Variants in SH2D1B observed in about 807,000 individuals in gnomAD.
SH2D1B encodes SH2 domain containing 1B, also known as SH2 domain-containing protein 1B.
In SH2D1B, 11 loss-of-function variants were observed where a neutral mutation model predicts 16.3. That is an observed-to-expected ratio of 0.67 (90% CI 0.42 to 1.11). The LOEUF is 1.11. Ranked by LOEUF, SH2D1B falls within the 50% of genes most tolerant of loss-of-function variation. The pLI, the probability that SH2D1B is intolerant of heterozygous loss-of-function variation, is 0.00. For missense variants in SH2D1B, 123 were observed against 153.1 expected, an observed-to-expected ratio of 0.80 and a Z score of 1.04; for synonymous variants, 55 against 56.1, an observed-to-expected ratio of 0.98 and a Z score of 0.09.
At chr1:162,400,532 C>T (rs1052979116) in intron 2 of SH2D1B, among the ~76,000 whole-genome samples, 1 of 148,124 alleles carries the variant, frequency 6.8e-6, no homozygotes, top group African/African-American at 2.5e-5. Flanking sequence ...TCTCGATCTC[C>T]TGACCTCATG....
chr1:162,404,816 T>C (rs1178355077), intron 1 of SH2D1B, among the ~76,000 whole-genome samples: 2 of 152,258 alleles, frequency 1.3e-5, no homozygotes, highest in African/African-American at 2.4e-5. Context: ...GGTAAGGATG[T>C]AGAGCAATCA....
Position 162,397,334 on chromosome 1 carries a change from A to G in SH2D1B, c.364-19T>C. The G allele has an allele frequency of 9.9e-6, 16 of 1,613,362 alleles. No individual in the cohort carries two copies. Among genetic ancestry groups the G allele is most frequent in the Non-Finnish European group, 1.3e-5 (15 of 1,179,746 alleles). ...TACTGTTCTTTGGAGGGAAAAAAAA[A>G]GCAGAAGACCAGCCATGAGACCACA... On this transcript the variant is annotated intron_variant, in intron 3 of 3. Coordinates refer to ENST00000367929, the MANE Select transcript of SH2D1B (RefSeq NM_053282.5).
chr1:162,407,055 C>T (rs1291147953), intron 1 of SH2D1B, among the ~76,000 whole-genome samples: 3 of 152,218 alleles, frequency 2.0e-5, no homozygotes, highest in Non-Finnish European at 4.4e-5. Flanking sequence ...CCATATGCTG[C>T]TAGGTCAGCT....
Position 162,398,193 on chromosome 1 carries a change from A to G in SH2D1B, c.363+730T>C, listed in dbSNP as rs899406170. 1.1e-4 allele frequency among the ~76,000 whole-genome samples: 17 copies of G among 152,286 alleles called. No homozygotes were observed. The East Asian group carries it at 3.3e-3, about 29-fold the overall frequency. ...CCTCTGTCCCTCTCCTAGGGAGGAT[A>G]TCTGATCTCATCCCATCACCTGCCA... is the stretch of plus-strand genomic sequence containing the variant. On this transcript the variant is annotated intron_variant, in intron 3 of 3. Coordinates refer to ENST00000367929, the MANE Select transcript of SH2D1B (RefSeq NM_053282.5).
chr1:162,403,746 G>A (rs1013688971), intron 1 of SH2D1B, among the ~76,000 whole-genome samples: 3 of 140,838 alleles, frequency 2.1e-5, no homozygotes, highest in East Asian at 2.1e-4. Context: ...ACACACAATG[G>A]AATATTATTC....
intron 2 of SH2D1B, among the ~76,000 whole-genome samples, chr1:162,401,547 A>G (rs1648517717): frequency 6.6e-6 from 1 of 152,296 alleles, no homozygotes; most frequent in South Asian, 2.1e-4. Flanking sequence ...TTCAAAGTTA[A>G]TTTGCAGACA....
chr1:162,402,476 C>T (rs1237474911), intron 2 of SH2D1B: 1 of 268,784 alleles, frequency 3.7e-6, no homozygotes, highest in African/African-American at 2.2e-5. Context: ...CGAGATCGCA[C>T]CACTGCACTC....
Position 162,411,845 on chromosome 1 carries a change from C to T in SH2D1B, c.134+38G>A, listed in dbSNP as rs558210001. On this transcript the variant is annotated intron_variant, in intron 1 of 3. Transcript: ENST00000367929. Reference sequence around the variant, plus strand: ...GTGTGGCAGCCATTGCCACATTCAACATACGATGTCAGATGTGTGCAAGAT... The same window carrying T: ...GTGTGGCAGCCATTGCCACATTCAATATACGATGTCAGATGTGTGCAAGAT... 4 of 1,613,242 alleles carry T rather than the reference C, an allele frequency of 2.5e-6. No individual in the cohort carries two copies. The East Asian group carries it at 8.9e-5, about 36-fold the overall frequency.
At chr1:162,397,522 C>A (rs1277894060) in intron 3 of SH2D1B, among the ~76,000 whole-genome samples, 1 of 152,178 alleles carries the variant, frequency 6.6e-6, no homozygotes, top group Non-Finnish European at 1.5e-5. Context: ...AGCCTCAGAC[C>A]TTCCAGCACA....
In SH2D1B at chr1:162,402,817, A is replaced by G; in HGVS notation, c.135-15T>C. ...TATTTTTAAACCTGTGGAAAAAATG[A>G]CTGTGTGAATCAAAATGTTCTATGC... On this transcript the variant is annotated splice_polypyrimidine_tract_variant and intron_variant, in intron 1 of 3. Coordinates refer to ENST00000367929, the MANE Select transcript of SH2D1B (RefSeq NM_053282.5). 7.5e-6 allele frequency: 12 copies of G among 1,605,426 alleles called. No individual in the cohort carries two copies. Among genetic ancestry groups the G allele is most frequent in the Non-Finnish European group, 1.0e-5 (12 of 1,172,116 alleles).
At chr1:162,405,878 C>T (rs952995030) in intron 1 of SH2D1B, among the ~76,000 whole-genome samples, 11 of 152,218 alleles carry the variant, frequency 7.2e-5, no homozygotes, top group Non-Finnish European at 1.5e-4. Context: ...TCTCTGAGTC[C>T]TTGCTCAACG....
rs116898821 is a variant in SH2D1B at position 162,399,261 on chromosome 1, A to G, written c.199-174T>C. On this transcript the variant is annotated intron_variant, in intron 2 of 3. Coordinates refer to ENST00000367929, the MANE Select transcript of SH2D1B (RefSeq NM_053282.5). ...ACAGAAACTCTCATTTCTAAGACCA[A>G]CCTCTGACTTGAGCCACTCTGAGTA... Among the ~76,000 whole-genome samples the G allele has an allele frequency of 2.8e-4, 43 of 152,200 alleles. No homozygotes were observed. The East Asian group carries it at 6.8e-3, about 24-fold the overall frequency.
In SH2D1B at chr1:162,402,731, G is replaced by A. The variant is rs748534742; in HGVS notation, c.198+8C>T. On this transcript the variant is annotated splice_region_variant and intron_variant, in intron 2 of 3. Transcript: ENST00000367929. Reference sequence around the variant, plus strand: ...TGTTGTTGTTGTTGTCGTCCTTTTTGTTCTTACCTGTATCCTGTAATACCC... The same window carrying A: ...TGTTGTTGTTGTTGTCGTCCTTTTTATTCTTACCTGTATCCTGTAATACCC... The A allele has an allele frequency of 1.2e-6, 2 of 1,610,838 alleles. No homozygotes were observed. The highest frequency in any genetic ancestry group is 4.5e-5 in the East Asian group (2 of 44,854).
At chr1:162,401,822 C>G (rs2101859271) in intron 2 of SH2D1B, among the ~76,000 whole-genome samples, 1 of 152,196 alleles carries the variant, frequency 6.6e-6, no homozygotes, top group East Asian at 1.9e-4. Context: ...ACTGAAGATT[C>G]TTAGAAATCT....
chr1:162,411,471 A>G (rs1648794777), intron 1 of SH2D1B, among the ~76,000 whole-genome samples: 1 of 152,228 alleles, frequency 6.6e-6, no homozygotes, highest in Non-Finnish European at 1.5e-5. Flanking sequence ...TAGTTTACGT[A>G]TTGCAAGCAG....
Position 162,396,493 on chromosome 1 carries a change from C to G in SH2D1B, c.*787G>C, listed in dbSNP as rs1648381068. The stretch of plus-strand genomic sequence containing the variant: ...ATGGCACTTAGAACCTAGTTGGGAA[C>G]AGAAATCACACATAGAATATTTTAG... On this transcript the variant is annotated 3_prime_UTR_variant, in exon 4 of 4. Coordinates refer to ENST00000367929, the MANE Select transcript of SH2D1B (RefSeq NM_053282.5). 6.6e-6 allele frequency: 1 copy of G among 152,224 alleles called. No individual in the cohort carries two copies. Among genetic ancestry groups the G allele is most frequent in the African/African-American group, 2.4e-5 (1 of 41,432 alleles). 9.4% of individuals were successfully genotyped at this position (152,224 alleles called of 1,614,324 possible).
At chr1:162,402,703 T>C (rs1648548917) in intron 2 of SH2D1B, 36 bp downstream of exon 2, 1 of 1,571,994 alleles carries the variant, frequency 6.4e-7, no homozygotes, top group South Asian at 1.1e-5. Context: ...CCCCCAACTT[T>C]TGTGTTGTTG....
At chr1:162,410,141 A>C (rs866424405) in intron 1 of SH2D1B, among the ~76,000 whole-genome samples, 4 of 152,180 alleles carry the variant, frequency 2.6e-5, no homozygotes, top group African/African-American at 7.2e-5. Context: ...GATTCTGATC[A>C]GATTCCTCAT....
chr1:162,402,636 T>A (rs1487744791), intron 2 of SH2D1B, 103 bp downstream of exon 2: 1 of 955,966 alleles, frequency 1.0e-6, no homozygotes, highest in Non-Finnish European at 1.6e-6. Context: ...GCTTTCCTTT[T>A]TAGAATGCTT....
Sources: allele counts gnomAD v4.1 joint callset (sites outside exome capture counted in the v4.1 genomes callset), GRCh38; gene constraint gnomAD v4.1.1; transcripts MANE v1.5; gene names NCBI Gene and HGNC (gene_info 2026-07-23, HGNC 2026-07-21).